EMC1: variants seen among roughly 807,000 people sequenced by gnomAD.
EMC1 encodes ER membrane protein complex subunit 1.
In EMC1, 103 loss-of-function variants were observed where a neutral mutation model predicts 128.8. The observed-to-expected ratio is 0.80, with a 90% CI of 0.68 to 0.94. The LOEUF (loss-of-function observed/expected upper bound fraction) is 0.94, where lower values mean the gene tolerates loss of function less well. Ranked by LOEUF, EMC1 falls within the 40% of genes least tolerant of loss-of-function variation. EMC1 has a pLI of 0.00. For missense variants in EMC1, 1,083 were observed against 1,250.6 expected (o/e 0.87, Z 2.02); for synonymous variants, 442 against 490.4 (o/e 0.90, Z 1.30).
At chr1:19,244,654 C>A (rs2093623589) in intron 2 of EMC1, 1 of 355,404 alleles carries the variant, frequency 2.8e-6, no homozygotes, top group South Asian at 3.0e-5. Flanking sequence ...ATCCTCCCGC[C>A]TGGGCTTGCA....
At chr1:19,249,487 AC>A (rs2093647250) in intron 1 of EMC1, among the ~76,000 whole-genome samples, 1 of 152,256 alleles carries the variant, frequency 6.6e-6, no homozygotes, top group Non-Finnish European at 1.5e-5. Context: ...AATAGGCTGT[AC>A]CATATAGCCT....
chr1:19,231,352 A>C lies in EMC1; in HGVS notation c.1853T>G (p.Val618Gly). 6.2e-7 allele frequency: 1 copy of C among 1,612,732 alleles called. No homozygotes were observed. The change falls in exon 16 of 23, where the codon GTG becomes GGG. Residue 618 changes from valine to glycine, a missense_variant. Physicochemically the swap from Val to Gly is moderately radical, Grantham distance 109. Transcript: ENST00000477853. ...GGACTGCAAGATGGGGCGCTTCAGC[A>C]CTGGGGGAGCTACCTGACTCCACTT... is the stretch of plus-strand genomic sequence containing the variant. ...FGKWSQVAPP[V>G]LKRPILQSLL... is the part of the protein sequence containing the mutation.
chr1:19,222,659 A>G lies in EMC1; in HGVS notation c.2552T>C (p.Ile851Thr). The G allele has an allele frequency of 6.2e-7, 1 of 1,614,004 alleles. No homozygotes were observed. The highest frequency in any genetic ancestry group is 8.5e-7 in the Non-Finnish European group (1 of 1,180,006). ...PSSISAMEATITERGITSRHL... is the reference protein window; with the variant it reads ...PSSISAMEATTTERGITSRHL... ...TCGGCTGGTGATGCCCCGTTCGGTG[A>G]TGGTGGCCTCCATGGCACTGATGGA... The change falls in exon 20 of 23, where the codon ATC becomes ACC. Residue 851 changes from isoleucine to threonine, a missense_variant. This residue lies in a region of EMC1 where 527 missense variants were observed against 644.1 expected (regional missense o/e 0.82). Transcript: ENST00000477853.
chr1:19,227,226 T>C, intron 18 of EMC1, 87 bp downstream of exon 18: 2 of 1,474,390 alleles, frequency 1.4e-6, no homozygotes, highest in South Asian at 1.2e-5. Flanking sequence ...AGGTCATATA[T>C]GTACCAAGTC....
chr1:19,244,128 G>A, intron 2 of EMC1, 113 bp from the exon 3 acceptor site: 1 of 993,200 alleles, frequency 1.0e-6, no homozygotes, highest in Non-Finnish European at 1.6e-6. Context: ...TTATCTCGAG[G>A]GAGTGAAGGA....
At position 19,219,441 on chromosome 1, in the gene EMC1, G is replaced by A; in HGVS notation, c.2844C>T (p.Tyr948=). The A allele has an allele frequency of 6.2e-7, 1 of 1,613,970 alleles. No individual in the cohort carries two copies. The highest frequency in any genetic ancestry group is 8.5e-7 in the Non-Finnish European group (1 of 1,180,014). Residue 948 remains tyrosine, a synonymous_variant, in exon 23 of 23, where the codon TAC becomes TAT. Transcript: ENST00000477853. ...YGLDIYQTRV[Y]PSKQFDVLKD... is the part of the protein sequence containing the mutation. ...TCAGAACGTCAAACTGCTTGGATGG[G>A]TAGACTCGAGTTTGGTAAATGTCCA...
chr1:19,238,035 G>A lies in EMC1; in HGVS notation c.1194C>T (p.Ser398=), dbSNP rs1416788635. The A allele has an allele frequency of 1.4e-5, 22 of 1,613,674 alleles. No homozygotes were observed. Among genetic ancestry groups the A allele is most frequent in the Admixed American group, 3.3e-5 (2 of 59,930 alleles). The part of the protein sequence containing the change: ...DTTITFSLEQ[S]GTRPERLYIQ... Reference sequence around the variant, plus strand: ...GCCTTACCCGCTCAGGCCGAGTGCCGCTCTGTTCCAGGCTAAATGTTATCG... The same window carrying A: ...GCCTTACCCGCTCAGGCCGAGTGCCACTCTGTTCCAGGCTAAATGTTATCG... The change falls in exon 11 of 23, where the codon AGC becomes AGT. Residue 398 remains serine (S), a synonymous_variant. Coordinates refer to ENST00000477853, the MANE Select transcript of EMC1 (RefSeq NM_015047.3).
chr1:19,237,136 A>G lies in EMC1; in HGVS notation c.1309+6T>C. On this transcript the variant is annotated splice_donor_region_variant and intron_variant, in intron 12 of 22. Coordinates refer to ENST00000477853, the MANE Select transcript of EMC1 (RefSeq NM_015047.3). Reference sequence around the variant, plus strand: ...TAAAAAAATGGGTTGAATGAGGTCTACTTACCCAACTGCTGCAGGAAAAGT... The same window carrying G: ...TAAAAAAATGGGTTGAATGAGGTCTGCTTACCCAACTGCTGCAGGAAAAGT... The G allele has an allele frequency of 6.2e-7, 1 of 1,609,646 alleles. No homozygotes were observed. Among genetic ancestry groups the G allele is most frequent in the South Asian group, 1.1e-5 (1 of 90,974 alleles).
intron 1 of EMC1, among the ~76,000 whole-genome samples, chr1:19,250,160 G>A (rs1451322868): frequency 6.8e-6 from 1 of 147,498 alleles, no homozygotes; most frequent in Non-Finnish European, 1.5e-5. Context: ...GGAGGTTGTG[G>A]TGAGCCATGA....
intron 15 of EMC1, 84 bp from the exon 16 acceptor site, chr1:19,231,506 T>A: frequency 7.1e-7 from 1 of 1,399,190 alleles, no homozygotes. Context: ...GGACTCCAGC[T>A]CAACAACTGT....
chr1:19,222,268 G>C (rs1164400154), intron 20 of EMC1, among the ~76,000 whole-genome samples: 2 of 152,034 alleles, frequency 1.3e-5, no homozygotes, highest in Non-Finnish European at 2.9e-5. Flanking sequence ...AGATCAGCCT[G>C]GGCAACATGG....
At chr1:19,233,219 G>A (rs2151950061) in intron 13 of EMC1, 84 bp from the exon 14 acceptor site, 1 of 1,212,596 alleles carries the variant, frequency 8.2e-7, no homozygotes, top group South Asian at 1.4e-5. Context: ...AGGGATCTCT[G>A]CCTCTCCTCT....
Position 19,240,291 on chromosome 1 carries a change from T to C in EMC1, c.786+6A>G, listed in dbSNP as rs1572020860. On this transcript the variant is annotated splice_donor_region_variant and intron_variant, in intron 7 of 22. Coordinates refer to ENST00000477853, the MANE Select transcript of EMC1 (RefSeq NM_015047.3). ...CAGGCCAGAAGAAGCAGTGGCAGCCTCTCACCTGCAGTGGGATCTGTCTCA... is the reference window on the plus strand; with the variant it reads ...CAGGCCAGAAGAAGCAGTGGCAGCCCCTCACCTGCAGTGGGATCTGTCTCA... 1 of 1,614,150 alleles carries C rather than the reference T, an allele frequency of 6.2e-7. No homozygotes were observed. Among genetic ancestry groups the C allele is most frequent in the Non-Finnish European group, 8.5e-7 (1 of 1,180,004 alleles).
chr1:19,239,996 A>G lies in EMC1; in HGVS notation c.787-11T>C. 4 of 1,607,224 alleles carry G rather than the reference A, an allele frequency of 2.5e-6. No homozygotes were observed. The highest frequency in any genetic ancestry group is 3.4e-6 in the Non-Finnish European group (4 of 1,175,560). ...TTCTAAGTCGAGAGACTGGAAGGCA[A>G]GAAGGAGGAGGATTATGGCTAACAG... On this transcript the variant is annotated splice_polypyrimidine_tract_variant and intron_variant, in intron 7 of 22. Transcript: ENST00000477853.
rs1277757768 is a variant in EMC1 at position 19,218,198 on chromosome 1, TC to T, written c.*1104del. ...TCACAACAAAGAAAAATTCTGTCAT[TC>T]CCCAACTCTATGACCAAGGAAAACT... On this transcript the variant is annotated 3_prime_UTR_variant, in exon 23 of 23. Transcript: ENST00000477853. 1 of 152,234 alleles carries T rather than the reference TC, an allele frequency of 6.6e-6. No homozygotes were observed. The highest frequency in any genetic ancestry group is 1.5e-5 in the Non-Finnish European group (1 of 68,050). 9.4% of individuals were successfully genotyped at this position (152,234 alleles called of 1,614,324 possible).
In EMC1 at chr1:19,219,406, T is replaced by C. The variant is rs2093414003; in HGVS notation, c.2879A>G (p.Tyr960Cys). The change falls in exon 23 of 23, where the codon TAT (tyrosine) becomes TGT (cysteine). Residue 960 changes from tyrosine (Y) to cysteine (C), a missense_variant. Tyr to Cys is a radical substitution (Grantham distance 194). Transcript: ENST00000477853. ...SKQFDVLKDD[Y>C]DYVLISSVLF... Reference sequence around the variant, plus strand: ...GACGCTGCTGATTAACACGTAGTCATAGTCATCCTTCAGAACGTCAAACTG... The same window carrying C: ...GACGCTGCTGATTAACACGTAGTCACAGTCATCCTTCAGAACGTCAAACTG... 3 of 1,613,910 alleles carry C rather than the reference T, an allele frequency of 1.9e-6. No homozygotes were observed. The highest frequency in any genetic ancestry group is 4.5e-5 in the East Asian group (2 of 44,874).
intron 15 of EMC1, among the ~76,000 whole-genome samples, chr1:19,232,256 G>A (rs1044768415): frequency 7.2e-5 from 11 of 152,150 alleles, no homozygotes; most frequent in Admixed American, 1.3e-4. Flanking sequence ...TACCAAGCCC[G>A]CCTTCTATGC....
rs751484278 is a variant in EMC1, at chr1:19,243,708, C to A, written c.287-1G>T. ...CCTCCATTGGACACAGTGATCACAT[C>A]TGGAAAAGAAAAGATCGTGGTGAAG... On this transcript the variant is annotated splice_acceptor_variant, in intron 3 of 22. Transcript: ENST00000477853. LOFTEE classifies it high-confidence loss of function. 1 of 1,614,130 alleles carries A rather than the reference C, an allele frequency of 6.2e-7. No homozygotes were observed. Among genetic ancestry groups the A allele is most frequent in the Non-Finnish European group, 8.5e-7 (1 of 1,179,958 alleles).
intron 5 of EMC1, 123 bp from the exon 6 acceptor site, chr1:19,241,265 T>A: frequency 8.7e-7 from 1 of 1,151,286 alleles, no homozygotes. Flanking sequence ...TTTGTTTGGC[T>A]CACACAGTTT....
Sources: allele counts gnomAD v4.1 joint callset (sites outside exome capture counted in the v4.1 genomes callset), GRCh38; gene constraint gnomAD v4.1.1; regional missense constraint gnomAD v4.1.1; transcripts MANE v1.5; gene names NCBI Gene and HGNC (gene_info 2026-07-23, HGNC 2026-07-21).